BAIAP2: variants seen among roughly 807,000 people sequenced by gnomAD.
BAIAP2 encodes the protein BAR/IMD domain containing adaptor protein 2, also known as BAR/IMD domain-containing adapter protein 2.
In BAIAP2, 18 loss-of-function variants were observed where a neutral mutation model predicts 63.0. The ratio of observed to expected loss-of-function variants is 0.29; its 90% CI spans 0.20 to 0.42. The LOEUF is 0.42. BAIAP2 is among the 10% of genes least tolerant of loss of function. The pLI is 1.00. For missense variants in BAIAP2, 610 were observed against 734.3 expected (o/e 0.83, Z 1.96); for synonymous variants, 386 against 307.6 (o/e 1.25, Z -2.67).
chr17:81,102,775 G>C (rs2058670135), intron 7 of BAIAP2, among the ~76,000 whole-genome samples: 2 of 152,234 alleles, frequency 1.3e-5, no homozygotes, highest in African/African-American at 4.8e-5. Flanking sequence ...AGAGGTGCCA[G>C]AGACATAGCA....
intron 7 of BAIAP2, among the ~76,000 whole-genome samples, chr17:81,103,067 C>T (rs1467253017): frequency 1.3e-5 from 2 of 152,212 alleles, no homozygotes; most frequent in African/African-American, 4.8e-5. Flanking sequence ...CTCAGTGTGT[C>T]TGACGGGGCT....
intron 3 of BAIAP2, among the ~76,000 whole-genome samples, chr17:81,068,651 C>T (rs886450371): frequency 3.3e-5 from 5 of 152,200 alleles, no homozygotes; most frequent in Admixed American, 3.3e-4. Context: ...TGTCCCCTGT[C>T]CCCGCTTCCC....
intron 1 of BAIAP2, 35 bp downstream of exon 1, chr17:81,035,343 C>T (rs753957078): frequency 2.2e-5 from 28 of 1,279,992 alleles, no homozygotes; most frequent in Non-Finnish European, 2.6e-5. Context: ...GAGCCCGCTC[C>T]GTGTGCGCCT....
chr17:81,098,289 C>T (rs574277324), intron 6 of BAIAP2: 250 of 976,780 alleles, frequency 2.6e-4, no homozygotes, highest in African/African-American at 2.5e-3. Flanking sequence ...AGGCAGCGGC[C>T]GCCCTCAGCT....
intron 13 of BAIAP2, chr17:81,109,598 G>T (rs986924071): frequency 2.0e-6 from 2 of 985,200 alleles, no homozygotes; most frequent in South Asian, 9.4e-5. Context: ...TGCCAAGCTC[G>T]AGGGGCCTCC....
chr17:81,111,236 C>T (rs1263832372), intron 13 of BAIAP2, among the ~76,000 whole-genome samples: 1 of 152,242 alleles, frequency 6.6e-6, no homozygotes, highest in East Asian at 1.9e-4. Flanking sequence ...CCCTGACCTT[C>T]TGTGTGGTCC....
At chr17:81,070,579 A>G (rs1334871955) in intron 3 of BAIAP2, among the ~76,000 whole-genome samples, 1 of 152,192 alleles carries the variant, frequency 6.6e-6, no homozygotes, top group Non-Finnish European at 1.5e-5. Context: ...CGGGGGCAGG[A>G]GAAGGCCCTG....
At chr17:81,107,961 A>G (rs2059381947) in intron 12 of BAIAP2, 2 of 164,560 alleles carry the variant, frequency 1.2e-5, no homozygotes, top group African/African-American at 2.4e-5. Context: ...GGGCACAGCC[A>G]GCCCCAGCGC....
rs7209834 is a variant in BAIAP2, at chr17:81,085,456, T to C, written c.280-198T>C. On this transcript the variant is annotated intron_variant, in intron 4 of 13. Transcript: ENST00000428708. ...GAGATTGTCCGACGTTCCAGACTCC[T>C]GTTCAGCACTCGCTCCTGGCTCCAG... 1.8e-3 allele frequency: 1,279 copies of C among 695,442 alleles called. 11 individuals are homozygous for C. The African/African-American group carries it at 0.02, about 11-fold the overall frequency. The allele number at this position is 695,442 out of a possible 1,614,324, so 43.1% of individuals were successfully genotyped here.
intron 6 of BAIAP2, among the ~76,000 whole-genome samples, chr17:81,095,011 C>T (rs754587482): frequency 2.3e-4 from 35 of 152,366 alleles, no homozygotes; most frequent in Non-Finnish European, 3.7e-4. Flanking sequence ...CCGCATGCTG[C>T]GGAGAGGAGA....
At position 81,077,297 on chromosome 17, in the gene BAIAP2, C is replaced by T. The variant is rs1463810368; in HGVS notation, c.218-7535C>T. On this transcript the variant is annotated intron_variant, in intron 3 of 13. Transcript: ENST00000428708. ...GTCCCAATTTCTTAGCCGGGCATGG[C>T]AGCTCACGCCTGTAATCCCAGCACT... is the stretch of plus-strand genomic sequence containing the variant. 3.9e-5 allele frequency among the ~76,000 whole-genome samples: 6 copies of T among 152,132 alleles called. No individual in the cohort carries two copies. In the South Asian group the frequency reaches 1.2e-3, roughly 32 times the overall value.
At chr17:81,048,356 CAAAAAAAAAA>C (rs5822388) in intron 1 of BAIAP2, among the ~76,000 whole-genome samples, 1 of 90,244 alleles carries the variant, frequency 1.1e-5, no homozygotes, top group Non-Finnish European at 2.2e-5. Flanking sequence ...GACTCTGTCT[CAAAAAAAAAA>C]AAAAAAAAAA....
Position 81,064,784 on chromosome 17 carries a change from A to G in BAIAP2, c.217+6817A>G, listed in dbSNP as rs112832936. Among the ~76,000 whole-genome samples the G allele has an allele frequency of 1.7e-3, 257 of 151,954 alleles. 2 individuals carry two copies. The highest frequency in any genetic ancestry group is 5.9e-3 in the African/African-American group (245 of 41,364). ...GTGGCCTGCAGACCTCACAGACGGA[A>G]GGGCCTCCCGTCTTCAGTCAGAGAC... On this transcript the variant is annotated intron_variant, in intron 3 of 13. Transcript: ENST00000428708.
chr17:81,109,482 C>T (rs889798264), intron 13 of BAIAP2: 13 of 985,742 alleles, frequency 1.3e-5, no homozygotes, highest in Non-Finnish European at 1.6e-5. Context: ...GCTGTTATCT[C>T]GCATCCGACT....
At chr17:81,043,223 ATGAAG>A (rs2047329645) in intron 1 of BAIAP2, among the ~76,000 whole-genome samples, 2 of 152,194 alleles carry the variant, frequency 1.3e-5, no homozygotes, top group Non-Finnish European at 2.9e-5. Context: ...ACCACCTGAA[ATGAAG>A]TGGACCTGGG....
rs949709781 is a variant in BAIAP2 at position 81,108,952 on chromosome 17, G to A, written c.1535+443G>A. ...CGTCGTGCAGCCAGGCAGCCGTCCT[G>A]TGCTTTGTTTCACAGTGGCAGCGGC... On this transcript the variant is annotated intron_variant, in intron 13 of 13. Transcript: ENST00000428708. 6.5e-6 allele frequency: 10 copies of A among 1,547,268 alleles called. No homozygotes were observed. The African/African-American group carries it at 8.2e-5, about 13-fold the overall frequency.
intron 3 of BAIAP2, among the ~76,000 whole-genome samples, chr17:81,075,808 C>T (rs946254881): frequency 2.0e-5 from 3 of 152,234 alleles, no homozygotes; most frequent in African/African-American, 7.2e-5. Flanking sequence ...CATTGGGGCC[C>T]CCAGTACTGC....
rs150666396 is a variant in BAIAP2, at chr17:81,082,660, T to C, written c.218-2172T>C. On this transcript the variant is annotated intron_variant, in intron 3 of 13. Transcript: ENST00000428708. ...GGGTGCATGAATCCCTTTCCTCTTC[T>C]CCCTCCACAGAAATCTGTGCCCCTG... 8.4e-3 allele frequency among the ~76,000 whole-genome samples: 1,279 copies of C among 152,210 alleles called. 14 individuals are homozygous for C. Among genetic ancestry groups the C allele is most frequent in the South Asian group, 0.037 (177 of 4,810 alleles).
At chr17:81,044,663 C>G (rs556332820) in intron 1 of BAIAP2, among the ~76,000 whole-genome samples, 3 of 152,162 alleles carry the variant, frequency 2.0e-5, no homozygotes, top group Non-Finnish European at 4.4e-5. Flanking sequence ...CTGGAGGGGC[C>G]GAGTCTCCCA....
Sources: gnomAD v4.1 joint callset for allele counts (sites outside exome capture counted in the v4.1 genomes callset) on GRCh38, gnomAD v4.1.1 for gene constraint, MANE v1.5 for transcripts, NCBI Gene and HGNC (gene_info 2026-07-23, HGNC 2026-07-21) for gene names.